The following ACVR1B variants were observed in gnomAD, a reference collection of about 807,000 sequenced individuals.
ACVR1B encodes activin receptor type-1B.
ACVR1B carries 15 observed loss-of-function variants against 55.6 expected under a neutral mutation model. The ratio of observed to expected loss-of-function variants is 0.27; its 90% confidence interval spans 0.18 to 0.42. The LOEUF is 0.42. Ranked by LOEUF, ACVR1B falls within the 10% of genes least tolerant of loss-of-function variation. ACVR1B has a pLI of 1.00. For synonymous variants in ACVR1B, 247 were observed against 254.6 expected (o/e 0.97, Z 0.28); for missense variants, 359 against 670.1 (o/e 0.54, Z 5.13).
intron 4 of ACVR1B, chr12:51,982,833 T>C: frequency 6.8e-7 from 1 of 1,478,416 alleles, no homozygotes; most frequent in Non-Finnish European, 8.9e-7. Context: ...TTTAAAACTA[T>C]CACCTTTTGA....
At chr12:51,966,647 CTG>C (rs1048442918) in intron 1 of ACVR1B, among the ~76,000 whole-genome samples, 2 of 152,164 alleles carry the variant, frequency 1.3e-5, no homozygotes, top group African/African-American at 4.8e-5. Flanking sequence ...CAGGGTCTCA[CTG>C]TGTTGCCCAG....
At chr12:51,969,082 C>G (rs1454712027) in intron 1 of ACVR1B, among the ~76,000 whole-genome samples, 2 of 152,134 alleles carry the variant, frequency 1.3e-5, no homozygotes, top group African/African-American at 4.8e-5. Flanking sequence ...TCAGATGATT[C>G]CAGCCCCAGC....
At chr12:51,977,493 C>T (rs555151895) in intron 3 of ACVR1B, among the ~76,000 whole-genome samples, 2 of 151,960 alleles carry the variant, frequency 1.3e-5, no homozygotes, top group African/African-American at 2.4e-5. Context: ...GACAAGGTTT[C>T]GCCACATCAG....
At chr12:51,991,506 A>G (rs1163779243) in intron 7 of ACVR1B, among the ~76,000 whole-genome samples, 2 of 152,196 alleles carry the variant, frequency 1.3e-5, no homozygotes, top group African/African-American at 2.4e-5. Flanking sequence ...GGTTCAAGCT[A>G]TTCTCCTGCC....
rs1941999004 is a variant in ACVR1B, at chr12:51,982,557, G to A, written c.811+1358G>A. On this transcript the variant is annotated intron_variant, in intron 4 of 8. Coordinates refer to ENST00000257963, the MANE Select transcript of ACVR1B (RefSeq NM_004302.5). ...ACAGAGAGGATGCTGTGAGTGGCTG[G>A]TTCACATTGTGGAAGGGTCTCTCTA... 5 of 1,059,024 alleles carry A rather than the reference G, an allele frequency of 4.7e-6. No individual in the cohort carries two copies. The South Asian group carries it at 6.5e-5, about 14-fold the overall frequency. 65.6% of individuals were successfully genotyped at this position (1,059,024 alleles called of 1,614,324 possible).
intron 3 of ACVR1B, among the ~76,000 whole-genome samples, chr12:51,980,404 A>G (rs954609694): frequency 4.6e-5 from 7 of 152,202 alleles, no homozygotes; most frequent in Admixed American, 3.9e-4. Flanking sequence ...CAGTAAAGTT[A>G]ATCTTAGACT....
In ACVR1B at chr12:51,959,573, G is replaced by C. The variant is rs147260658; in HGVS notation, c.91+7739G>C. On this transcript the variant is annotated intron_variant, in intron 1 of 8. Transcript: ENST00000257963. Reference sequence around the variant, plus strand: ...GGTGCTGTGCCTGGACTTCTGACCTGTAGGAACTGTGAAATAGTAACTAGG... The same window carrying C: ...GGTGCTGTGCCTGGACTTCTGACCTCTAGGAACTGTGAAATAGTAACTAGG... Among the ~76,000 whole-genome samples the C allele has an allele frequency of 9.8e-5, 15 of 152,336 alleles. No homozygotes were observed. In the East Asian group the frequency reaches 2.9e-3, roughly 29 times the overall value.
At position 51,976,435 on chromosome 12, in the gene ACVR1B, TTGTCATTAACTA is replaced by T; in HGVS notation, c.442_453del (p.Val148_Tyr151del). 1 of 1,614,168 alleles carries T rather than the reference TTGTCATTAACTA, an allele frequency of 6.2e-7. No individual in the cohort carries two copies. Among genetic ancestry groups the T allele is most frequent in the Non-Finnish European group, 8.5e-7 (1 of 1,180,042 alleles). ...TTCCTCATCATCATCATTGTTTTCC[TTGTCATTAACTA>T]TCATCAGCGTGTCTATCACAACCGC... On this transcript the variant is annotated inframe_deletion, in exon 3 of 9. Coordinates refer to ENST00000257963, the MANE Select transcript of ACVR1B (RefSeq NM_004302.5).
chr12:51,953,609 AGGG>A (rs1941354684), intron 1 of ACVR1B: 3 of 689,748 alleles, frequency 4.3e-6, no homozygotes, highest in Non-Finnish European at 5.4e-6. Context: ...AAAAAAAAAA[AGGG>A]AGATTGAACC....
chr12:51,970,795 C>G (rs1435226540), intron 1 of ACVR1B, among the ~76,000 whole-genome samples: 1 of 152,186 alleles, frequency 6.6e-6, no homozygotes, highest in East Asian at 1.9e-4. Context: ...TTGAAAATCT[C>G]TAGCGTACCT....
intron 8 of ACVR1B, 54 bp from the exon 9 acceptor site, chr12:51,993,931 A>G: frequency 6.2e-7 from 1 of 1,604,174 alleles, no homozygotes; most frequent in South Asian, 1.1e-5. Context: ...CCTAGGGACC[A>G]GAAAGGCTTC....
chr12:51,983,555 C>T (rs2120687391), intron 4 of ACVR1B, among the ~76,000 whole-genome samples: 1 of 152,302 alleles, frequency 6.6e-6, no homozygotes, highest in South Asian at 2.1e-4. Flanking sequence ...ACACAGGAGG[C>T]CCTCCAAGGC....
rs1942289598 is a variant in ACVR1B, at chr12:51,995,995, G to A, written c.*1885G>A. On this transcript the variant is annotated 3_prime_UTR_variant, in exon 9 of 9. Transcript: ENST00000257963. ...GACATGCTTGGGTCCTACTCCTGGAGCACTGTAAAAAGAGCTGATTCAAGT... is the reference window on the plus strand; with the variant it reads ...GACATGCTTGGGTCCTACTCCTGGAACACTGTAAAAAGAGCTGATTCAAGT... 1.3e-5 allele frequency: 2 copies of A among 152,502 alleles called. No individual in the cohort carries two copies. The highest frequency in any genetic ancestry group is 4.8e-5 in the African/African-American group (2 of 41,448). The allele number at this position is 152,502 out of a possible 1,614,324, so 9.4% of individuals were successfully genotyped here.
chr12:51,960,127 T>A (rs1941489187), intron 1 of ACVR1B: 1 of 152,280 alleles, frequency 6.6e-6, no homozygotes, highest in African/African-American at 2.4e-5. Flanking sequence ...CTTTGGAAGT[T>A]TACACACAGA....
chr12:51,967,761 AT>A (rs1941669965), intron 1 of ACVR1B, among the ~76,000 whole-genome samples: 1 of 152,168 alleles, frequency 6.6e-6, no homozygotes, highest in African/African-American at 2.4e-5. Context: ...GCATTTTCTA[AT>A]TGGGCAGCCC....
chr12:51,966,183 A>G (rs910218803), intron 1 of ACVR1B, among the ~76,000 whole-genome samples: 1 of 152,242 alleles, frequency 6.6e-6, no homozygotes, highest in Non-Finnish European at 1.5e-5. Flanking sequence ...CTAGCCAGAA[A>G]TTTGAGCCTG....
chr12:51,978,314 T>C (rs578089977), intron 3 of ACVR1B, among the ~76,000 whole-genome samples: 30 of 152,164 alleles, frequency 2.0e-4, no homozygotes, highest in African/African-American at 7.0e-4. Flanking sequence ...GGAAGGGCCA[T>C]GGTAGTTGTT....
chr12:51,975,973 GC>G (rs1447289729), intron 2 of ACVR1B, among the ~76,000 whole-genome samples: 1 of 152,230 alleles, frequency 6.6e-6, no homozygotes, highest in African/African-American at 2.4e-5. Context: ...TTACTGTGGA[GC>G]CCACAGGAAA....
intron 1 of ACVR1B, among the ~76,000 whole-genome samples, chr12:51,961,803 A>G (rs1941534058): frequency 6.6e-6 from 1 of 152,242 alleles, no homozygotes; most frequent in Non-Finnish European, 1.5e-5. Flanking sequence ...TCATAAACTG[A>G]TATCAAAGGA....
Sources: allele counts gnomAD v4.1 joint callset (sites outside exome capture counted in the v4.1 genomes callset), GRCh38; gene constraint gnomAD v4.1.1; transcripts MANE v1.5; gene names NCBI Gene and HGNC (gene_info 2026-07-23, HGNC 2026-07-21).